TBC1D14: variants seen among roughly 807,000 people sequenced by gnomAD.
TBC1D14 encodes TBC1 domain family member 14.
A neutral mutation model predicts 79.0 loss-of-function variants in TBC1D14; 26 were observed. That is an observed-to-expected ratio of 0.33 (90% CI 0.24 to 0.46). TBC1D14 has a LOEUF of 0.46. TBC1D14 is among the 20% of genes least tolerant of loss of function. The pLI, the probability that TBC1D14 is intolerant of heterozygous loss-of-function variation, is 1.00. For synonymous variants in TBC1D14, 394 were observed against 349.9 expected (o/e 1.13, Z -1.40); for missense variants, 769 against 887.6 (o/e 0.87, Z 1.70).
chr4:6,987,412 T>A, intron 3 of TBC1D14: 1 of 1,314,270 alleles, frequency 7.6e-7, no homozygotes, highest in Non-Finnish European at 9.8e-7. Flanking sequence ...CCCGTGGGCC[T>A]GTCCTGTCCT....
At chr4:6,931,961 C>T (rs933499505) in intron 2 of TBC1D14, among the ~76,000 whole-genome samples, 1 of 151,766 alleles carries the variant, frequency 6.6e-6, no homozygotes, top group Non-Finnish European at 1.5e-5. Context: ...CGGAGAAAGC[C>T]AGCAAGCAGA....
rs115090617 is a variant in TBC1D14, at chr4:6,941,071, C to G, written c.722+16960C>G. On this transcript the variant is annotated intron_variant, in intron 2 of 13. Coordinates refer to ENST00000409757, the MANE Select transcript of TBC1D14 (RefSeq NM_020773.3). ...ACTTGATGAAAGCAGGTTGGCTGTT[C>G]CGTGATCAACCAGTGCTCGAGATGT... 3.2e-3 allele frequency among the ~76,000 whole-genome samples: 489 copies of G among 152,088 alleles called. 1 individual carries two copies. The highest frequency in any genetic ancestry group is 0.011 in the African/African-American group (455 of 41,460).
intron 2 of TBC1D14, among the ~76,000 whole-genome samples, chr4:6,947,098 C>T (rs911219623): frequency 3.9e-5 from 6 of 152,226 alleles, no homozygotes; most frequent in Non-Finnish European, 7.4e-5. Context: ...CAGTGGCTCA[C>T]GCCTGTAATC....
At chr4:7,019,365 G>A (rs1442339148) in intron 12 of TBC1D14, among the ~76,000 whole-genome samples, 2 of 152,068 alleles carry the variant, frequency 1.3e-5, no homozygotes, top group Non-Finnish European at 1.5e-5. Context: ...GTGACTGTTG[G>A]GAGGTTTCCG....
chr4:6,956,540 C>T (rs1045671789), intron 2 of TBC1D14, among the ~76,000 whole-genome samples: 13 of 152,220 alleles, frequency 8.5e-5, no homozygotes, highest in African/African-American at 2.4e-4. Context: ...ATGACTGACA[C>T]GCCCGGTCCC....
At chr4:6,979,840 G>T (rs1717204166) in intron 3 of TBC1D14, among the ~76,000 whole-genome samples, 1 of 152,016 alleles carries the variant, frequency 6.6e-6, no homozygotes, top group African/African-American at 2.4e-5. Context: ...GATAAAGTGG[G>T]ACATTACCTA....
chr4:7,004,023 A>C (rs1429418397), intron 7 of TBC1D14, among the ~76,000 whole-genome samples: 2 of 151,984 alleles, frequency 1.3e-5, no homozygotes, highest in Non-Finnish European at 2.9e-5. Flanking sequence ...AAAAAAGAAA[A>C]AGCCAGATGA....
intron 11 of TBC1D14, 38 bp downstream of exon 11, chr4:7,010,819 C>T (rs1452519095): frequency 1.3e-6 from 2 of 1,586,520 alleles, no homozygotes; most frequent in Non-Finnish European, 8.6e-7. Flanking sequence ...GGTACTGTGT[C>T]TTTAAATGTC....
intron 3 of TBC1D14, among the ~76,000 whole-genome samples, chr4:6,973,818 T>TTA (rs999552992): frequency 2.0e-5 from 3 of 151,972 alleles, no homozygotes; most frequent in African/African-American, 7.2e-5. Context: ...TTTTATTTAT[T>TTA]TATTTATATT....
intron 8 of TBC1D14, among the ~76,000 whole-genome samples, chr4:7,006,002 T>A (rs1478410863): frequency 1.3e-5 from 2 of 152,188 alleles, no homozygotes; most frequent in Non-Finnish European, 2.9e-5. Context: ...GGTATTAGAA[T>A]TCTAAAAAGT....
Position 7,032,722 on chromosome 4 carries a change from T to G in TBC1D14, c.*2330T>G, listed in dbSNP as rs1723173264. The G allele has an allele frequency of 6.6e-6, 1 of 151,914 alleles. No individual in the cohort carries two copies. The allele number at this position is 151,914 out of a possible 1,614,324, so 9.4% of individuals were successfully genotyped here. On this transcript the variant is annotated 3_prime_UTR_variant, in exon 14 of 14. Coordinates refer to ENST00000409757, the MANE Select transcript of TBC1D14 (RefSeq NM_020773.3). ...TTGGCAAGTGTAGAGGCTGCCTCTG[T>G]GTGTGGTTTAAGTAAACTGGAAATG...
intron 1 of TBC1D14, among the ~76,000 whole-genome samples, chr4:6,914,030 C>G (rs1003269341): frequency 1.3e-5 from 2 of 151,748 alleles, no homozygotes; most frequent in African/African-American, 2.4e-5. Flanking sequence ...GTCCCAGCTA[C>G]TCAGGATGCT....
intron 3 of TBC1D14, among the ~76,000 whole-genome samples, chr4:6,990,238 C>T (rs1297382885): frequency 1.3e-5 from 2 of 152,192 alleles, no homozygotes; most frequent in African/African-American, 2.4e-5. Context: ...CACTTGAGAT[C>T]AGGAGTTCCA....
At chr4:6,987,133 C>G (rs1717922840) in intron 3 of TBC1D14, 1 of 1,081,114 alleles carries the variant, frequency 9.2e-7, no homozygotes, top group African/African-American at 1.7e-5. Context: ...CCTTGGGAGT[C>G]TCCAGCCAGG....
At chr4:6,924,299 G>C (rs933246497) in intron 2 of TBC1D14, among the ~76,000 whole-genome samples, 188 bp downstream of exon 2, 5 of 86,862 alleles carry the variant, frequency 5.8e-5, no homozygotes, top group African/African-American at 1.7e-4. Context: ...TGGGGATTCT[G>C]TTCTTCGGTG....
In TBC1D14 at chr4:6,953,629, C is replaced by CAAAAAAAAA. The variant is rs750667631; in HGVS notation, c.723-13661_723-13653dup. Among the ~76,000 whole-genome samples, 61 of 55,036 alleles carry CAAAAAAAAA rather than the reference C, an allele frequency of 1.1e-3. 2 individuals are homozygous for CAAAAAAAAA. The highest frequency in any genetic ancestry group is 4.3e-3 in the African/African-American group (53 of 12,390). The allele number at this position is 55,036 out of a possible 152,430, so 36.1% of individuals were successfully genotyped here. ...CCTGGGCGACAGCGAGACTCCGTCT[C>CAAAAAAAAA]AAAAAAAAAAAAAAAAAAAAAAGAA... On this transcript the variant is annotated intron_variant, in intron 2 of 13. Coordinates refer to ENST00000409757, the MANE Select transcript of TBC1D14 (RefSeq NM_020773.3).
chr4:6,932,612 G>T (rs1711867139), intron 2 of TBC1D14, among the ~76,000 whole-genome samples: 1 of 152,176 alleles, frequency 6.6e-6, no homozygotes, highest in Non-Finnish European at 1.5e-5. Flanking sequence ...GGGAGCCACT[G>T]CAGAATTTTT....
intron 12 of TBC1D14, among the ~76,000 whole-genome samples, chr4:7,015,317 G>A (rs1356588466): frequency 6.6e-5 from 10 of 152,166 alleles, no homozygotes; most frequent in African/African-American, 4.8e-5. Flanking sequence ...AGAAGGCCCC[G>A]TGGAAATATT....
At chr4:6,915,515 G>T (rs1239813120) in intron 1 of TBC1D14, among the ~76,000 whole-genome samples, 2 of 152,168 alleles carry the variant, frequency 1.3e-5, no homozygotes, top group African/African-American at 4.8e-5. Context: ...TGGAGTCACA[G>T]ACTTGAGTTC....
Sources: allele counts gnomAD v4.1 joint callset (sites outside exome capture counted in the v4.1 genomes callset), GRCh38; gene constraint gnomAD v4.1.1; transcripts MANE v1.5; gene names NCBI Gene and HGNC (gene_info 2026-07-23, HGNC 2026-07-21).